SGCD: variants seen among roughly 807,000 people sequenced by gnomAD.
SGCD encodes sarcoglycan delta.
SGCD carries 18 observed loss-of-function variants against 36.6 expected under a neutral mutation model. The ratio of observed to expected loss-of-function variants is 0.49; its 90% CI spans 0.34 to 0.73. The LOEUF is 0.73. SGCD is among the 30% of genes least tolerant of loss of function. SGCD has a pLI of 0.01. For synonymous variants in SGCD, 133 were observed against 130.6 expected (o/e 1.02, Z -0.12); for missense variants, 387 against 346.7 (o/e 1.12, Z -0.92).
intron 7 of SGCD, among the ~76,000 whole-genome samples, chr5:156,653,754 G>C (rs1324003063): frequency 6.6e-6 from 1 of 151,976 alleles, no homozygotes; most frequent in Non-Finnish European, 1.5e-5. Flanking sequence ...CTTGGATATT[G>C]TGTAAATTGT....
intron 4 of SGCD, among the ~76,000 whole-genome samples, chr5:156,513,092 C>G (rs1757012606): frequency 6.6e-6 from 1 of 152,108 alleles, no homozygotes; most frequent in African/African-American, 2.4e-5. Flanking sequence ...AAGAATTAGT[C>G]TTTCTTTGAT....
intron 3 of SGCD, among the ~76,000 whole-genome samples, chr5:156,164,243 T>A (rs1311341554): frequency 6.6e-6 from 1 of 151,162 alleles, no homozygotes; most frequent in African/African-American, 2.5e-5. Flanking sequence ...GACCTGAGAG[T>A]CATTTTTGGA....
intron 6 of SGCD, among the ~76,000 whole-genome samples, chr5:156,609,627 T>C (rs1357899648): frequency 6.6e-6 from 1 of 152,242 alleles, no homozygotes; most frequent in Non-Finnish European, 1.5e-5. Context: ...CTGGATAATA[T>C]CCTGCAGAGT....
At chr5:156,428,049 T>C (rs1394657494) in intron 3 of SGCD, among the ~76,000 whole-genome samples, 2 of 152,180 alleles carry the variant, frequency 1.3e-5, no homozygotes, top group African/African-American at 4.8e-5. Context: ...GCTGGCTTCA[T>C]AGAATGATTT....
chr5:156,616,263 A>G (rs1158958333), intron 6 of SGCD, among the ~76,000 whole-genome samples: 2 of 152,220 alleles, frequency 1.3e-5, no homozygotes, highest in Non-Finnish European at 2.9e-5. Context: ...CCATAGGTCC[A>G]TCCTTGAACT....
chr5:156,420,340 C>A lies in SGCD; in HGVS notation c.192+75663C>A, dbSNP rs527318773. ...AGCATAAATGCAAGAGCAGCTCTTT[C>A]AAAGGTGAAGTTCTTAACATATAAT... On this transcript the variant is annotated intron_variant, in intron 3 of 8. Transcript: ENST00000337851. Among the ~76,000 whole-genome samples, 28 of 152,058 alleles carry A rather than the reference C, an allele frequency of 1.8e-4. No individual in the cohort carries two copies. The South Asian group carries it at 5.8e-3, about 32-fold the overall frequency.
At chr5:155,940,411 G>A (rs1305343141) in intron 1 of SGCD, among the ~76,000 whole-genome samples, 1 of 152,180 alleles carries the variant, frequency 6.6e-6, no homozygotes, top group African/African-American at 2.4e-5. Flanking sequence ...TATTCTAGAT[G>A]TGTGAGCCTG....
At chr5:155,849,536 T>C in the SGCD span, among the ~76,000 whole-genome samples, 1 of 152,168 alleles carries the variant, frequency 6.6e-6, no homozygotes, top group African/African-American at 2.4e-5. Flanking sequence ...ACCTGTGGAC[T>C]CTTTAATGGT....
chr5:155,743,838 C>T, the SGCD span, among the ~76,000 whole-genome samples: 4 of 152,150 alleles, frequency 2.6e-5, no homozygotes, highest in African/African-American at 7.2e-5. Flanking sequence ...TATATTGCTG[C>T]GTCTAAGAAT....
the SGCD span, among the ~76,000 whole-genome samples, chr5:155,777,802 G>A: frequency 1.3e-5 from 2 of 151,868 alleles, no homozygotes; most frequent in Non-Finnish European, 2.9e-5. Flanking sequence ...TTTTTTTTGT[G>A]TTTGTTTGTT....
chr5:155,757,657 G>A, the SGCD span, among the ~76,000 whole-genome samples: 19 of 152,254 alleles, frequency 1.2e-4, no homozygotes, highest in African/African-American at 3.4e-4. Context: ...GACATGCCCC[G>A]GGTTGTACAG....
chr5:156,424,335 A>T (rs1007566484), intron 3 of SGCD, among the ~76,000 whole-genome samples: 1 of 152,026 alleles, frequency 6.6e-6, no homozygotes, highest in Non-Finnish European at 1.5e-5. Flanking sequence ...ACACACCAAC[A>T]CATTTTACCC....
rs1325569541 is a variant in SGCD, at chr5:156,179,285, T to C, written c.-44+55266T>C. On this transcript the variant is annotated intron_variant, in intron 3 of 9. Transcript: ENST00000517913. ...TTTTAAAAAATCTTATATCCTGATATCATATTTAAAAACAATGAGTGCAGC... is the reference window on the plus strand; with the variant it reads ...TTTTAAAAAATCTTATATCCTGATACCATATTTAAAAACAATGAGTGCAGC... 2.0e-5 allele frequency among the ~76,000 whole-genome samples: 3 copies of C among 152,312 alleles called. No homozygotes were observed. In the East Asian group the frequency reaches 5.8e-4, roughly 29 times the overall value.
intron 7 of SGCD, among the ~76,000 whole-genome samples, chr5:156,723,307 AGTGGC>A (rs1270265593): frequency 1.3e-5 from 2 of 152,190 alleles, no homozygotes; most frequent in Non-Finnish European, 2.9e-5. Flanking sequence ...ACATTCATTC[AGTGGC>A]TGCAGGCTCC....
At chr5:156,294,275 A>T (rs1766838487) in intron 3 of SGCD, among the ~76,000 whole-genome samples, 1 of 152,130 alleles carries the variant, frequency 6.6e-6, no homozygotes, top group African/African-American at 2.4e-5. Context: ...ATATTTGTGA[A>T]CAGAGATAAT....
intron 1 of SGCD, among the ~76,000 whole-genome samples, chr5:156,005,112 A>G (rs962421897): frequency 2.6e-5 from 4 of 152,168 alleles, no homozygotes; most frequent in African/African-American, 7.2e-5. Context: ...AAATCTGCAG[A>G]GTGAAGGATG....
the SGCD span, among the ~76,000 whole-genome samples, chr5:155,857,543 T>C: frequency 6.6e-6 from 1 of 152,190 alleles, no homozygotes; most frequent in Non-Finnish European, 1.5e-5. Flanking sequence ...AAATAAAAAG[T>C]ATATATTTGA....
chr5:155,953,581 G>T (rs1757587252), intron 1 of SGCD, among the ~76,000 whole-genome samples: 1 of 152,146 alleles, frequency 6.6e-6, no homozygotes, highest in African/African-American at 2.4e-5. Context: ...TGACTCACTA[G>T]CATCAAACAC....
intron 3 of SGCD, among the ~76,000 whole-genome samples, chr5:156,494,509 G>A (rs945819727): frequency 2.3e-4 from 35 of 151,926 alleles, no homozygotes; most frequent in Admixed American, 2.2e-3. Flanking sequence ...TCTATTATAA[G>A]ACAGTTCTTT....
Sources: allele counts gnomAD v4.1 joint callset (sites outside exome capture counted in the v4.1 genomes callset), GRCh38; gene constraint gnomAD v4.1.1; transcripts MANE v1.5; gene names NCBI Gene and HGNC (gene_info 2026-07-23, HGNC 2026-07-21).